Variants in PTPRD observed in about 807,000 individuals in gnomAD.
PTPRD encodes the protein receptor-type tyrosine-protein phosphatase delta.
In PTPRD, 34 loss-of-function variants were observed where a neutral mutation model predicts 214.5. The observed-to-expected ratio is 0.16, with a 90% CI of 0.12 to 0.21. The LOEUF is 0.21. Ranked by LOEUF, PTPRD falls within the 10% of genes least tolerant of loss-of-function variation. The pLI is 1.00. For synonymous variants in PTPRD, 1,128 were observed against 845.7 expected, an observed-to-expected ratio of 1.33 and a Z score of -5.79; for missense variants, 2,545 against 2,398.7, an observed-to-expected ratio of 1.06 and a Z score of -1.27.
intron 10 of PTPRD, among the ~76,000 whole-genome samples, chr9:9,082,143 G>T (rs1591290379): frequency 6.6e-6 from 1 of 151,996 alleles, no homozygotes; most frequent in South Asian, 2.1e-4. Flanking sequence ...CCAAAACCTG[G>T]CAGAGACACA....
chr9:9,288,355 C>A (rs1018633215), intron 9 of PTPRD, among the ~76,000 whole-genome samples: 6 of 151,786 alleles, frequency 4.0e-5, no homozygotes, highest in Admixed American at 1.3e-4. Flanking sequence ...GGACCTTTTG[C>A]AGTCAAAAAT....
intron 12 of PTPRD, among the ~76,000 whole-genome samples, chr9:8,640,682 A>T (rs1176246704): frequency 5.7e-5 from 4 of 70,348 alleles, no homozygotes; most frequent in African/African-American, 1.4e-4. Context: ...GAAATTCTGT[A>T]AAAAAAAAAA....
At chr9:10,096,724 G>A (rs141031457) in intron 3 of PTPRD, among the ~76,000 whole-genome samples, 2,708 of 152,042 alleles carry the variant, frequency 0.018, 88 homozygotes, top group African/African-American at 0.061. Context: ...CTTTTGCTGT[G>A]CAGAAGCTCT....
At chr9:8,501,314 C>T (rs1306945918) in intron 23 of PTPRD, among the ~76,000 whole-genome samples, 2 of 151,864 alleles carry the variant, frequency 1.3e-5, no homozygotes, top group East Asian at 3.9e-4. Context: ...AAAATGAGAC[C>T]TCGAGATAAT....
rs1176513005 is a variant in PTPRD, at chr9:9,179,684, A to C, written c.-143+3620T>G. On this transcript the variant is annotated intron_variant, in intron 10 of 45. Transcript: ENST00000381196. ...TTACAGTCATAGACACTTAAGGAGG[A>C]ACTGGCAGGATAATGGAAACCTGAT... 2.0e-5 allele frequency among the ~76,000 whole-genome samples: 3 copies of C among 152,068 alleles called. No individual in the cohort carries two copies. The East Asian group carries it at 5.8e-4, about 29-fold the overall frequency.
chr9:10,550,667 G>A (rs1450689425), intron 2 of PTPRD, among the ~76,000 whole-genome samples: 1 of 152,196 alleles, frequency 6.6e-6, no homozygotes, highest in Admixed American at 6.5e-5. Flanking sequence ...CTTTGGAGCT[G>A]AGAGAGTGTG....
chr9:8,509,550 C>T (rs908391880), intron 21 of PTPRD, among the ~76,000 whole-genome samples: 2 of 152,192 alleles, frequency 1.3e-5, no homozygotes, highest in Non-Finnish European at 2.9e-5. Flanking sequence ...CACTGAAGGG[C>T]TGCTCTCGGG....
intron 11 of PTPRD, among the ~76,000 whole-genome samples, chr9:8,820,748 T>C (rs888985738): frequency 7.2e-5 from 11 of 152,122 alleles, no homozygotes; most frequent in Non-Finnish European, 1.3e-4. Context: ...CACACACTTT[T>C]TGTGTATGTA....
chr9:8,371,413 C>A (rs374613877), intron 39 of PTPRD, among the ~76,000 whole-genome samples: 2 of 151,966 alleles, frequency 1.3e-5, no homozygotes, highest in African/African-American at 4.8e-5. Flanking sequence ...ATGACTCATG[C>A]CTTCTGAGAT....
intron 5 of PTPRD, among the ~76,000 whole-genome samples, chr9:9,790,475 C>T (rs2098959449): frequency 6.6e-6 from 1 of 152,156 alleles, no homozygotes; most frequent in Admixed American, 6.5e-5. Flanking sequence ...GAGAATAAAT[C>T]AATTCCCTTC....
chr9:9,445,345 G>C (rs764799008), intron 8 of PTPRD, among the ~76,000 whole-genome samples: 22 of 152,136 alleles, frequency 1.4e-4, no homozygotes, highest in Admixed American at 2.6e-4. Context: ...GTTTCCTTGA[G>C]ATCTGGAAAA....
chr9:8,651,285 T>A (rs746934220), intron 12 of PTPRD, among the ~76,000 whole-genome samples: 1 of 152,078 alleles, frequency 6.6e-6, no homozygotes, highest in African/African-American at 2.4e-5. Context: ...AGTGAGCTAT[T>A]TGGGGGTACA....
At chr9:9,794,915 T>A (rs2098992432) in intron 5 of PTPRD, among the ~76,000 whole-genome samples, 1 of 152,140 alleles carries the variant, frequency 6.6e-6, no homozygotes, top group Non-Finnish European at 1.5e-5. Context: ...AGATAACAGT[T>A]TAGAAGATGC....
chr9:10,081,389 A>ATTTTG (rs2098234439), intron 3 of PTPRD, among the ~76,000 whole-genome samples: 1 of 152,024 alleles, frequency 6.6e-6, no homozygotes, highest in Non-Finnish European at 1.5e-5. Context: ...CCAATTTTGT[A>ATTTTG]TGTTGATATC....
At position 9,373,826 on chromosome 9, in the gene PTPRD, T is replaced by A. The variant is rs192975537; in HGVS notation, c.-203+23623A>T. ...ACTTGGAAATCTCTGGGGACTTTTT[T>A]CAGCCCAGCCCAGTGCTCTTTTACA... On this transcript the variant is annotated intron_variant, in intron 9 of 45. Coordinates refer to ENST00000381196, the MANE Select transcript of PTPRD (RefSeq NM_002839.4). Among the ~76,000 whole-genome samples, 30 of 152,290 alleles carry A rather than the reference T, an allele frequency of 2.0e-4. No homozygotes were observed. In the East Asian group the frequency reaches 5.2e-3, roughly 26 times the overall value.
chr9:9,667,457 T>A lies in PTPRD; in HGVS notation c.-287+67076A>T, dbSNP rs1187289391. Among the ~76,000 whole-genome samples, 5 of 152,268 alleles carry A rather than the reference T, an allele frequency of 3.3e-5. No individual in the cohort carries two copies. The South Asian group carries it at 1.0e-3, about 32-fold the overall frequency. ...CAGTCACTGGTTTGCCCGAAAGTCA[T>A]AAAATAGTTTATGTTCATTCATTTT... On this transcript the variant is annotated intron_variant, in intron 7 of 45. Coordinates refer to ENST00000381196, the MANE Select transcript of PTPRD (RefSeq NM_002839.4).
chr9:9,846,899 T>C (rs2059636200), intron 5 of PTPRD, among the ~76,000 whole-genome samples: 2 of 152,050 alleles, frequency 1.3e-5, no homozygotes, highest in African/African-American at 4.8e-5. Flanking sequence ...GGGATTATGA[T>C]AAAGGTTTTA....
intron 5 of PTPRD, among the ~76,000 whole-genome samples, chr9:9,784,005 A>G (rs1483315607): frequency 6.6e-6 from 1 of 152,080 alleles, no homozygotes; most frequent in Admixed American, 6.5e-5. Context: ...GTCATGATAA[A>G]GCTGAACAAT....
At chr9:10,466,772 T>C (rs753406234) in intron 2 of PTPRD, among the ~76,000 whole-genome samples, 1 of 152,046 alleles carries the variant, frequency 6.6e-6, no homozygotes, top group Admixed American at 6.6e-5. Context: ...AAAGTAAGCT[T>C]CTCAAATACA....
Sources: gnomAD v4.1 joint callset for allele counts (sites outside exome capture counted in the v4.1 genomes callset) on GRCh38, gnomAD v4.1.1 for gene constraint, MANE v1.5 for transcripts, NCBI Gene and HGNC (gene_info 2026-07-23, HGNC 2026-07-21) for gene names.